ZNF804B: variants seen among roughly 807,000 people sequenced by gnomAD.
The protein encoded by ZNF804B is zinc finger 804B.
Under a neutral mutation model 101.4 loss-of-function variants are expected in ZNF804B, and 80 were observed. That is an observed-to-expected ratio of 0.79 (90% CI 0.66 to 0.95). ZNF804B has a LOEUF of 0.95. ZNF804B is among the 40% of genes least tolerant of loss of function. The probability of loss-of-function intolerance (pLI) is 0.00; values close to 1 mark genes in which losing one functional copy is unlikely to be tolerated. For synonymous variants in ZNF804B, 622 were observed against 558.8 expected, an observed-to-expected ratio of 1.11 and a Z score of -1.59; for missense variants, 1,673 against 1,561.9, an observed-to-expected ratio of 1.07 and a Z score of -1.20.
intron 1 of ZNF804B, among the ~76,000 whole-genome samples, chr7:89,198,203 T>C (rs1407942761): frequency 1.3e-5 from 2 of 151,944 alleles, no homozygotes; most frequent in African/African-American, 2.4e-5. Context: ...TTTATGGAAA[T>C]GCTACTCACA....
At chr7:89,282,668 G>T (rs531724803) in intron 2 of ZNF804B, among the ~76,000 whole-genome samples, 30 of 152,074 alleles carry the variant, frequency 2.0e-4, no homozygotes, top group Non-Finnish European at 3.8e-4. Flanking sequence ...GATTAACCTG[G>T]ATTCAAGGGG....
intron 1 of ZNF804B, among the ~76,000 whole-genome samples, chr7:89,097,656 A>G (rs1789988985): frequency 6.6e-6 from 1 of 152,218 alleles, no homozygotes; most frequent in South Asian, 2.1e-4. Context: ...GAAATATAAT[A>G]ATAGTGTGTA....
intron 1 of ZNF804B, among the ~76,000 whole-genome samples, chr7:89,130,819 G>A (rs942254351): frequency 1.3e-5 from 2 of 151,928 alleles, no homozygotes; most frequent in African/African-American, 2.4e-5. Context: ...TTTATACCAA[G>A]GTAGAGAAGA....
intron 1 of ZNF804B, chr7:88,794,770 G>T (rs1486660126): frequency 1.2e-6 from 2 of 1,613,500 alleles, no homozygotes; most frequent in South Asian, 2.2e-5. Flanking sequence ...TTCTACATTT[G>T]CTTGTATCTT....
chr7:89,032,816 A>G (rs1788859069), intron 1 of ZNF804B, among the ~76,000 whole-genome samples: 1 of 152,104 alleles, frequency 6.6e-6, no homozygotes, highest in Admixed American at 6.6e-5. Flanking sequence ...AATTTTAATT[A>G]TAAATACACA....
intron 1 of ZNF804B, among the ~76,000 whole-genome samples, chr7:89,080,185 T>C (rs1789675229): frequency 6.6e-6 from 1 of 151,692 alleles, no homozygotes; most frequent in Non-Finnish European, 1.5e-5. Flanking sequence ...AAAGATTGGG[T>C]CTAATTTGAA....
chr7:88,993,105 T>C (rs921332204), intron 1 of ZNF804B, among the ~76,000 whole-genome samples: 2 of 152,072 alleles, frequency 1.3e-5, no homozygotes, highest in Non-Finnish European at 2.9e-5. Flanking sequence ...ACTTTTTTGG[T>C]ATTCTTTATA....
At chr7:88,884,229 A>G (rs1792085818) in intron 1 of ZNF804B, among the ~76,000 whole-genome samples, 1 of 151,826 alleles carries the variant, frequency 6.6e-6, no homozygotes. Flanking sequence ...GCAGAGTATT[A>G]CACAAAAATA....
chr7:89,247,097 C>T (rs1789461213), intron 2 of ZNF804B, among the ~76,000 whole-genome samples: 2 of 152,210 alleles, frequency 1.3e-5, no homozygotes, highest in South Asian at 4.1e-4. Flanking sequence ...TTCCCTCCTA[C>T]CTGTGCAGAG....
intron 1 of ZNF804B, among the ~76,000 whole-genome samples, chr7:89,117,324 A>T (rs1200236758): frequency 1.3e-5 from 2 of 152,226 alleles, no homozygotes; most frequent in Non-Finnish European, 2.9e-5. Context: ...ACCATGCATC[A>T]TGTATACAGA....
At chr7:89,059,485 C>T (rs1789343489) in intron 1 of ZNF804B, among the ~76,000 whole-genome samples, 1 of 151,902 alleles carries the variant, frequency 6.6e-6, no homozygotes, top group Non-Finnish European at 1.5e-5. Context: ...ACAACCAGAT[C>T]CTAAGTGAAC....
chr7:89,153,301 G>A (rs1448130832), intron 1 of ZNF804B, among the ~76,000 whole-genome samples: 1 of 151,784 alleles, frequency 6.6e-6, no homozygotes. Flanking sequence ...ATAGCAAGAT[G>A]TTGATTCTGA....
At chr7:89,312,819 GAA>G (rs112158486) in intron 2 of ZNF804B, among the ~76,000 whole-genome samples, 2 of 96,428 alleles carry the variant, frequency 2.1e-5, no homozygotes, top group African/African-American at 7.1e-5. Flanking sequence ...ATCAAGAAAA[GAA>G]AAAAAAAAAA....
chr7:88,949,378 A>G (rs1019685119), intron 1 of ZNF804B, among the ~76,000 whole-genome samples: 4 of 151,914 alleles, frequency 2.6e-5, no homozygotes, highest in Admixed American at 2.0e-4. Context: ...GTCTCCAGAC[A>G]ATGCCAAAAA....
intron 1 of ZNF804B, among the ~76,000 whole-genome samples, chr7:88,972,441 G>A (rs150035483): frequency 1.7e-4 from 26 of 151,468 alleles, no homozygotes; most frequent in African/African-American, 6.0e-4. Context: ...TTAGGAAGCT[G>A]TATTTTATTC....
chr7:89,324,433 AG>A (rs964491874), intron 2 of ZNF804B, among the ~76,000 whole-genome samples: 5 of 151,910 alleles, frequency 3.3e-5, no homozygotes, highest in African/African-American at 1.2e-4. Flanking sequence ...TTTTTAAAAA[AG>A]CTTGTTTGTG....
At chr7:88,874,381 G>A (rs979569153) in intron 1 of ZNF804B, among the ~76,000 whole-genome samples, 14 of 151,402 alleles carry the variant, frequency 9.2e-5, no homozygotes, top group African/African-American at 3.4e-4. Context: ...CTGAGACAAT[G>A]GGGTTTTCTA....
chr7:89,153,460 A>ATAATAATAATAATAG (rs1205435677), intron 1 of ZNF804B, among the ~76,000 whole-genome samples: 1 of 141,298 alleles, frequency 7.1e-6, no homozygotes, highest in Admixed American at 7.1e-5. Flanking sequence ...AATAATAATA[A>ATAATAATAATAATAG]TAATTTTTGC....
At chr7:89,259,973 A>G (rs1423157658) in intron 2 of ZNF804B, among the ~76,000 whole-genome samples, 2 of 152,058 alleles carry the variant, frequency 1.3e-5, no homozygotes, top group Non-Finnish European at 2.9e-5. Flanking sequence ...CGACAAAGCG[A>G]AACTCCGTCA....
Sources: allele counts gnomAD v4.1 joint callset (sites outside exome capture counted in the v4.1 genomes callset), GRCh38; gene constraint gnomAD v4.1.1; transcripts MANE v1.5; gene names NCBI Gene and HGNC (gene_info 2026-07-23, HGNC 2026-07-21).